Variants in ADAMTS17 observed in about 807,000 individuals in gnomAD.
ADAMTS17 encodes ADAM metallopeptidase with thrombospondin type 1 motif 17.
Under a neutral mutation model 141.5 loss-of-function variants are expected in ADAMTS17, and 113 were observed. That is an observed-to-expected ratio of 0.80 (90% CI 0.69 to 0.93). The LOEUF is 0.93. Ranked by LOEUF, ADAMTS17 falls within the 40% of genes least tolerant of loss-of-function variation. The pLI is 0.00. For synonymous variants in ADAMTS17, 768 were observed against 630.6 expected, an observed-to-expected ratio of 1.22 and a Z score of -3.27; for missense variants, 1,659 against 1,517.9, an observed-to-expected ratio of 1.09 and a Z score of -1.54.
chr15:100,155,952 G>A (rs569973726), intron 8 of ADAMTS17, among the ~76,000 whole-genome samples: 4 of 151,984 alleles, frequency 2.6e-5, no homozygotes, highest in Admixed American at 6.5e-5. Context: ...CCCTCACTGG[G>A]GTGAGCCAAG....
At chr15:100,188,510 C>T (rs939058006) in intron 8 of ADAMTS17, among the ~76,000 whole-genome samples, 5 of 152,284 alleles carry the variant, frequency 3.3e-5, no homozygotes, top group East Asian at 1.9e-4. Flanking sequence ...CCATATTCTA[C>T]GTGGAAAACC....
intron 15 of ADAMTS17, among the ~76,000 whole-genome samples, chr15:100,082,907 G>C (rs2034849800): frequency 6.6e-6 from 1 of 151,828 alleles, no homozygotes; most frequent in Non-Finnish European, 1.5e-5. Context: ...CTTTCTGCTG[G>C]GTGCAGGGAG....
chr15:100,133,294 A>T lies in ADAMTS17; in HGVS notation c.1495T>A (p.Trp499Arg), dbSNP rs1347179165. 6.3e-7 allele frequency: 1 copy of T among 1,591,064 alleles called. No homozygotes were observed. The highest frequency in any genetic ancestry group is 1.1e-5 in the South Asian group (1 of 87,456). ...NMEHLMCAGL[W>R]CLVEGDTSCK... Reference sequence around the variant, plus strand: ...GATGTGTCTCCTTCTACCAGGCACCACAGTCCAGCACACATTAGATGCTGC... The same window carrying T: ...GATGTGTCTCCTTCTACCAGGCACCTCAGTCCAGCACACATTAGATGCTGC... Residue 499 changes from tryptophan to arginine, a missense_variant, in exon 11 of 22, where the codon TGG becomes AGG. Trp to Arg is a moderately radical substitution (Grantham distance 101). Transcript: ENST00000268070.
intron 8 of ADAMTS17, among the ~76,000 whole-genome samples, chr15:100,167,395 G>C (rs867788085): frequency 2.0e-5 from 3 of 152,188 alleles, no homozygotes; most frequent in South Asian, 2.1e-4. Flanking sequence ...CTCTTCACGT[G>C]ATCTTAATTT....
intron 18 of ADAMTS17, among the ~76,000 whole-genome samples, chr15:100,037,852 T>C (rs1307313664): frequency 6.6e-6 from 1 of 152,068 alleles, no homozygotes; most frequent in Non-Finnish European, 1.5e-5. Context: ...TCAATCTAGA[T>C]TCACTGCAGC....
At chr15:100,001,148 T>G (rs1233367748) in intron 18 of ADAMTS17, among the ~76,000 whole-genome samples, 1 of 152,100 alleles carries the variant, frequency 6.6e-6, no homozygotes, top group African/African-American at 2.4e-5. Flanking sequence ...TTCTGGGCCT[T>G]CAGAGGACCC....
At chr15:100,330,470 G>A (rs946604815) in intron 3 of ADAMTS17, among the ~76,000 whole-genome samples, 2 of 152,120 alleles carry the variant, frequency 1.3e-5, no homozygotes, top group African/African-American at 4.8e-5. Flanking sequence ...TGTAAGAATC[G>A]AGAATCGAAT....
intron 15 of ADAMTS17, among the ~76,000 whole-genome samples, chr15:100,091,769 C>T (rs1469763962): frequency 6.6e-6 from 1 of 152,184 alleles, no homozygotes; most frequent in Non-Finnish European, 1.5e-5. Flanking sequence ...ACTCTTTCCC[C>T]TGAAATCAGA....
chr15:100,037,956 T>G (rs1410771750), intron 18 of ADAMTS17, among the ~76,000 whole-genome samples: 1 of 148,404 alleles, frequency 6.7e-6, no homozygotes, highest in Non-Finnish European at 1.5e-5. Flanking sequence ...ATTTTTTTTT[T>G]GTAGAGAAAG....
At chr15:100,112,859 C>T (rs746009299) in intron 13 of ADAMTS17, among the ~76,000 whole-genome samples, 3 of 152,134 alleles carry the variant, frequency 2.0e-5, no homozygotes, top group African/African-American at 7.2e-5. Flanking sequence ...AGCTTGGGAA[C>T]CACGTGGTCA....
chr15:100,210,328 G>A (rs1285624076), intron 7 of ADAMTS17, among the ~76,000 whole-genome samples: 1 of 150,000 alleles, frequency 6.7e-6, no homozygotes, highest in Non-Finnish European at 1.5e-5. Flanking sequence ...ACATTTGTCA[G>A]ACACTTACTA....
intron 3 of ADAMTS17, chr15:100,306,333 A>G: frequency 2.7e-6 from 1 of 376,114 alleles, no homozygotes; most frequent in Non-Finnish European, 5.3e-6. Flanking sequence ...TGATCCTCAA[A>G]GGCAGCACAG....
chr15:100,268,360 T>C (rs1043548034), intron 4 of ADAMTS17, among the ~76,000 whole-genome samples: 1 of 152,216 alleles, frequency 6.6e-6, no homozygotes, highest in African/African-American at 2.4e-5. Flanking sequence ...TCTTGAGTTC[T>C]CTGAGAAATC....
At chr15:100,338,750 T>TAC (rs1251466478) in intron 2 of ADAMTS17, among the ~76,000 whole-genome samples, 8 of 151,792 alleles carry the variant, frequency 5.3e-5, no homozygotes, top group East Asian at 1.9e-4. Context: ...TCGTAGCAAA[T>TAC]ACACACACAC....
At chr15:100,194,563 G>A (rs1006282762) in intron 8 of ADAMTS17, among the ~76,000 whole-genome samples, 1 of 152,126 alleles carries the variant, frequency 6.6e-6, no homozygotes. Context: ...TTTCTCACGG[G>A]CAGTCAGCAT....
At chr15:100,335,916 C>T (rs1251365881) in intron 2 of ADAMTS17, among the ~76,000 whole-genome samples, 1 of 152,178 alleles carries the variant, frequency 6.6e-6, no homozygotes. Flanking sequence ...TGCACAGAAG[C>T]GGGTCCAGGG....
At chr15:100,137,588 C>A (rs192384248) in intron 10 of ADAMTS17, among the ~76,000 whole-genome samples, 1 of 152,288 alleles carries the variant, frequency 6.6e-6, no homozygotes, top group East Asian at 1.9e-4. Context: ...TTGTGGCAGA[C>A]AGGGCTGCTC....
intron 8 of ADAMTS17, among the ~76,000 whole-genome samples, chr15:100,198,874 A>T (rs901903842): frequency 6.6e-6 from 1 of 152,256 alleles, no homozygotes; most frequent in Non-Finnish European, 1.5e-5. Flanking sequence ...CACAGCTGTT[A>T]ATTCTTCAAA....
At position 100,261,643 on chromosome 15, in the gene ADAMTS17, A is replaced by G. The variant is rs368908097; in HGVS notation, c.874-7T>C. The G allele has an allele frequency of 1.9e-5, 30 of 1,613,156 alleles. No homozygotes were observed. Among genetic ancestry groups the G allele is most frequent in the Middle Eastern group, 1.6e-4 (1 of 6,084 alleles). On this transcript the variant is annotated splice_region_variant and splice_polypyrimidine_tract_variant and intron_variant, in intron 5 of 21. Transcript: ENST00000268070. ...GCCCAATGGACAACTTAGCCTAAAA[A>G]AAGTCAGAGGACAGTTAGAGAAACA... is the stretch of plus-strand genomic sequence containing the variant.
Sources: gnomAD v4.1 joint callset for allele counts (sites outside exome capture counted in the v4.1 genomes callset) on GRCh38, gnomAD v4.1.1 for gene constraint, MANE v1.5 for transcripts, NCBI Gene and HGNC (gene_info 2026-07-23, HGNC 2026-07-21) for gene names.